The following VAMP7 variants were observed in gnomAD, a reference collection of about 807,000 sequenced individuals.
VAMP7 encodes vesicle-associated membrane protein 7.
VAMP7 carries 14 observed loss-of-function variants against 29.6 expected under a neutral mutation model. The ratio of observed to expected loss-of-function variants is 0.47; its 90% CI spans 0.31 to 0.74. VAMP7 has a LOEUF of 0.74. VAMP7 is among the 30% of genes least tolerant of loss of function. The probability of loss-of-function intolerance (pLI) is 0.05; values close to 1 mark genes in which losing one functional copy is unlikely to be tolerated. For missense variants in VAMP7, 223 were observed against 262.4 expected (o/e 0.85, Z 1.04); for synonymous variants, 95 against 88.1 (o/e 1.08, Z -0.44).
At chrX:155,910,755 A>G (rs2066226572) in intron 5 of VAMP7, among the ~76,000 whole-genome samples, 1 of 152,008 alleles carries the variant, frequency 6.6e-6, no homozygotes, top group African/African-American at 2.4e-5. Context: ...CTTTTGAGAA[A>G]TGGCTATTCA....
chrX:155,886,644 T>C (rs2065868981), intron 1 of VAMP7, among the ~76,000 whole-genome samples: 1 of 152,190 alleles, frequency 6.6e-6, no homozygotes, highest in Non-Finnish European at 1.5e-5. Flanking sequence ...ACAATCTCCA[T>C]GTCTCTCACC....
intron 5 of VAMP7, among the ~76,000 whole-genome samples, chrX:155,900,929 C>T (rs184955514): frequency 6.4e-4 from 98 of 152,096 alleles, no homozygotes; most frequent in African/African-American, 2.2e-3. Context: ...GAATTTTGGA[C>T]GCATAGGTTC....
intron 5 of VAMP7, among the ~76,000 whole-genome samples, chrX:155,919,550 A>G (rs2066364494): frequency 6.6e-6 from 1 of 152,128 alleles, no homozygotes; most frequent in Admixed American, 6.5e-5. Context: ...TTCTTCAGCT[A>G]TAAACAGCAT....
At chrX:155,907,538 C>T (rs1334658812) in intron 5 of VAMP7, among the ~76,000 whole-genome samples, 1 of 151,224 alleles carries the variant, frequency 6.6e-6, no homozygotes, top group Non-Finnish European at 1.5e-5. Context: ...GCCCTTAATC[C>T]ATTTAACCCT....
chrX:155,898,501 C>T (rs948200420), intron 4 of VAMP7, among the ~76,000 whole-genome samples: 1 of 151,994 alleles, frequency 6.6e-6, no homozygotes, highest in Non-Finnish European at 1.5e-5. Flanking sequence ...TAAAGATCAT[C>T]TAGTTGAACT....
intron 5 of VAMP7, among the ~76,000 whole-genome samples, chrX:155,901,702 G>A (rs1358567382): frequency 6.6e-6 from 1 of 152,068 alleles, no homozygotes; most frequent in Non-Finnish European, 1.5e-5. Flanking sequence ...CGTTATTTCT[G>A]AGGGCTCTGT....
At chrX:155,936,417 C>A (rs2066657310) in intron 6 of VAMP7, among the ~76,000 whole-genome samples, 1 of 152,204 alleles carries the variant, frequency 6.6e-6, no homozygotes, top group Non-Finnish European at 1.5e-5. Context: ...TCTCCTCCAG[C>A]CTCGCTGCCA....
intron 5 of VAMP7, 81 bp from the exon 6 acceptor site, chrX:155,919,732 A>G: frequency 2.4e-6 from 3 of 1,245,760 alleles, no homozygotes; most frequent in Non-Finnish European, 3.5e-6. Flanking sequence ...GTATTCATTA[A>G]GTTATATTAC....
intron 1 of VAMP7, among the ~76,000 whole-genome samples, chrX:155,881,715 G>T (rs2065803891): frequency 6.6e-6 from 1 of 152,158 alleles, no homozygotes; most frequent in Admixed American, 6.5e-5. Flanking sequence ...CTTTCTCTCA[G>T]TTTGTATTCT....
At chrX:155,907,478 A>G (rs2066163081) in intron 5 of VAMP7, among the ~76,000 whole-genome samples, 2 of 149,810 alleles carry the variant, frequency 1.3e-5, no homozygotes, top group South Asian at 4.3e-4. Flanking sequence ...GATGACTCTT[A>G]ACGAGCATGC....
At chrX:155,931,640 AC>A (rs2124384953) in intron 6 of VAMP7, among the ~76,000 whole-genome samples, 1 of 152,184 alleles carries the variant, frequency 6.6e-6, no homozygotes, top group Non-Finnish European at 1.5e-5. Context: ...AGATTGCAAA[AC>A]TTTTCTCCCA....
At chrX:155,902,230 C>G (rs2066073739) in intron 5 of VAMP7, among the ~76,000 whole-genome samples, 1 of 151,944 alleles carries the variant, frequency 6.6e-6, no homozygotes, top group South Asian at 2.1e-4. Context: ...TATCCTGAGA[C>G]TTTGCTGAAG....
At chrX:155,934,548 G>T (rs1433499130) in intron 6 of VAMP7, among the ~76,000 whole-genome samples, 2 of 151,910 alleles carry the variant, frequency 1.3e-5, no homozygotes, top group Non-Finnish European at 2.9e-5. Flanking sequence ...TTTTCCATTT[G>T]CTTGGTAGAT....
At chrX:155,930,663 AATTT>A (rs1569449745) in intron 6 of VAMP7, among the ~76,000 whole-genome samples, 1 of 149,534 alleles carries the variant, frequency 6.7e-6, no homozygotes, top group African/African-American at 2.5e-5. Flanking sequence ...AAAAAAAAAA[AATTT>A]TTTTTCTTTT....
intron 6 of VAMP7, among the ~76,000 whole-genome samples, chrX:155,932,140 A>G (rs907220682): frequency 6.6e-5 from 10 of 152,118 alleles, no homozygotes; most frequent in African/African-American, 2.4e-4. Flanking sequence ...GTCAGGTAGC[A>G]TGATGCCTAC....
rs1263870487 is a variant in VAMP7 at position 155,942,459 on chromosome X, C to T, written c.*508C>T. ...GTAATGATGTTGGTGCTGCTTCCTT[C>T]TAAGAGCTCAGACAAGTAAAGTATG... is the stretch of plus-strand genomic sequence containing the variant. On this transcript the variant is annotated 3_prime_UTR_variant, in exon 8 of 8. Coordinates refer to ENST00000286448, the MANE Select transcript of VAMP7 (RefSeq NM_005638.6). The T allele has an allele frequency of 8.6e-5, 28 of 323,718 alleles. No homozygotes were observed. In the East Asian group the frequency reaches 1.3e-3, roughly 16 times the overall value. 20.1% of individuals were successfully genotyped at this position (323,718 alleles called of 1,614,324 possible).
Position 155,942,170 on chromosome X carries a change from A to T in VAMP7, c.*219A>T. On this transcript the variant is annotated 3_prime_UTR_variant, in exon 8 of 8. Transcript: ENST00000286448. ...AGATTGAACCATTCATTGCAGCAGT[A>T]GCCTTAAAAAGGCTTTTGTTTATTT... is the stretch of plus-strand genomic sequence containing the variant. 2.6e-6 allele frequency: 4 copies of T among 1,541,156 alleles called. No homozygotes were observed. Among genetic ancestry groups the T allele is most frequent in the Non-Finnish European group, 3.5e-6 (4 of 1,141,846 alleles).
chrX:155,939,550 A>G (rs1402510324), intron 6 of VAMP7, 151 bp from the exon 7 acceptor site: 71 of 680,468 alleles, frequency 1.0e-4, no homozygotes, highest in Non-Finnish European at 1.8e-4. Context: ...TGCTTTTGGC[A>G]ACTATTGAGT....
At chrX:155,886,870 C>T (rs1386630035) in intron 1 of VAMP7, among the ~76,000 whole-genome samples, 1 of 152,172 alleles carries the variant, frequency 6.6e-6, no homozygotes, top group African/African-American at 2.4e-5. Context: ...TCCACTGAAA[C>T]ACTAGATCTT....
Sources: allele counts gnomAD v4.1 joint callset (sites outside exome capture counted in the v4.1 genomes callset), GRCh38; gene constraint gnomAD v4.1.1; transcripts MANE v1.5; gene names NCBI Gene and HGNC (gene_info 2026-07-23, HGNC 2026-07-21).